DLGAP1: variants seen among roughly 807,000 people sequenced by gnomAD.
DLGAP1 encodes disks large-associated protein 1.
In DLGAP1, 11 loss-of-function variants were observed where a neutral mutation model predicts 90.8. That is an observed-to-expected ratio of 0.12 (90% CI 0.08 to 0.20). The LOEUF is 0.20. Among genes scored for constraint, DLGAP1 ranks in the 10% least tolerant of loss-of-function variants. The pLI is 1.00. For synonymous variants in DLGAP1, 558 were observed against 540.7 expected (o/e 1.03, Z -0.44); for missense variants, 1,050 against 1,333.8 (o/e 0.79, Z 3.31).
chr18:4,189,451 T>C (rs2077355936), intron 1 of DLGAP1, among the ~76,000 whole-genome samples: 1 of 152,106 alleles, frequency 6.6e-6, no homozygotes. Flanking sequence ...GCATTGAAAC[T>C]ACAAAGCTCT....
chr18:4,020,806 A>G (rs897307028), intron 2 of DLGAP1, among the ~76,000 whole-genome samples: 2 of 152,232 alleles, frequency 1.3e-5, no homozygotes, highest in African/African-American at 2.4e-5. Context: ...TACAGTTAGG[A>G]GCCATACGGC....
intron 1 of DLGAP1, among the ~76,000 whole-genome samples, chr18:4,166,627 C>T (rs746718689): frequency 2.6e-5 from 4 of 152,268 alleles, no homozygotes; most frequent in Non-Finnish European, 4.4e-5. Context: ...ATTAATTCAC[C>T]GTAGCCAAAA....
intron 10 of DLGAP1, among the ~76,000 whole-genome samples, chr18:3,510,500 T>A (rs774207225): frequency 2.6e-5 from 4 of 152,208 alleles, no homozygotes; most frequent in Non-Finnish European, 4.4e-5. Context: ...GGGACAGGTA[T>A]GCTCTCTGGG....
At chr18:4,261,801 A>G (rs989609866) in intron 1 of DLGAP1, among the ~76,000 whole-genome samples, 2 of 152,142 alleles carry the variant, frequency 1.3e-5, no homozygotes, top group African/African-American at 4.8e-5. Flanking sequence ...CCTTAATCAC[A>G]AATGTATATA....
At chr18:4,133,287 C>G (rs908820649) in intron 2 of DLGAP1, among the ~76,000 whole-genome samples, 2 of 152,142 alleles carry the variant, frequency 1.3e-5, no homozygotes, top group East Asian at 3.9e-4. Flanking sequence ...TGAGTGCCAA[C>G]GATTCACTGC....
chr18:4,269,346 A>ATTT (rs2079203319), intron 1 of DLGAP1, among the ~76,000 whole-genome samples: 1 of 133,400 alleles, frequency 7.5e-6, no homozygotes, highest in South Asian at 2.2e-4. Flanking sequence ...ATATATATAT[A>ATTT]TATATATATT....
chr18:4,230,698 T>C (rs927248681), intron 1 of DLGAP1, among the ~76,000 whole-genome samples: 1 of 148,840 alleles, frequency 6.7e-6, no homozygotes, highest in Non-Finnish European at 1.5e-5. Context: ...ATGACTAAGA[T>C]CTAGTATGTG....
At chr18:4,363,072 C>A (rs2081663842) in intron 1 of DLGAP1, among the ~76,000 whole-genome samples, 1 of 152,076 alleles carries the variant, frequency 6.6e-6, no homozygotes, top group African/African-American at 2.4e-5. Context: ...AAGCAACAGA[C>A]TTGGCATACT....
At chr18:3,834,084 A>G (rs886248558) in intron 4 of DLGAP1, among the ~76,000 whole-genome samples, 5 of 152,064 alleles carry the variant, frequency 3.3e-5, no homozygotes, top group Admixed American at 2.6e-4. Context: ...AGGCGGGTGG[A>G]TCATGAGGTC....
At chr18:4,308,661 G>GAATTAAATTAAATTAAAATTAAAA (rs2080322975) in intron 1 of DLGAP1, among the ~76,000 whole-genome samples, 1 of 152,090 alleles carries the variant, frequency 6.6e-6, no homozygotes, top group African/African-American at 2.4e-5. Flanking sequence ...TAAATTAAAA[G>GAATTAAATTAAATTAAAATTAAAA]GTTTAAATTG....
chr18:3,536,588 T>C (rs2052394876), intron 9 of DLGAP1, among the ~76,000 whole-genome samples: 1 of 152,206 alleles, frequency 6.6e-6, no homozygotes, highest in African/African-American at 2.4e-5. Context: ...AAGGTTTACC[T>C]TTCTCTTAGT....
At chr18:4,281,479 A>G (rs2079550798) in intron 1 of DLGAP1, among the ~76,000 whole-genome samples, 1 of 152,116 alleles carries the variant, frequency 6.6e-6, no homozygotes, top group South Asian at 2.1e-4. Flanking sequence ...GCCTAAACCC[A>G]GGAGGCAGAG....
Position 4,106,010 on chromosome 18 carries a change from C to T in DLGAP1, c.-159+45170G>A, listed in dbSNP as rs374949180. On this transcript the variant is annotated intron_variant, in intron 2 of 12. Transcript: ENST00000315677. ...TCGCGCCACTGCACTCCAGCCTGGGCGACAGAGCGAGGGTCCGTCTCAAAA... is the reference window on the plus strand; with the variant it reads ...TCGCGCCACTGCACTCCAGCCTGGGTGACAGAGCGAGGGTCCGTCTCAAAA... 3.3e-4 allele frequency among the ~76,000 whole-genome samples: 41 copies of T among 123,114 alleles called. No homozygotes were observed. In the East Asian group the frequency reaches 8.5e-3, roughly 26 times the overall value. 80.8% of individuals were successfully genotyped at this position (123,114 alleles called of 152,430 possible).
intron 1 of DLGAP1, among the ~76,000 whole-genome samples, chr18:4,243,495 AT>A (rs2078588796): frequency 6.6e-6 from 1 of 152,178 alleles, no homozygotes; most frequent in Admixed American, 6.5e-5. Flanking sequence ...GGCAAGAAGT[AT>A]TCTTCATCAA....
chr18:3,791,925 T>TA (rs1015394398), intron 5 of DLGAP1, among the ~76,000 whole-genome samples: 60 of 152,100 alleles, frequency 3.9e-4, no homozygotes, highest in African/African-American at 1.4e-3. Context: ...AAAATAAAAT[T>TA]AAAAAAAGGC....
intron 1 of DLGAP1, among the ~76,000 whole-genome samples, chr18:4,439,248 C>A (rs535277249): frequency 1.1e-4 from 16 of 152,320 alleles, no homozygotes; most frequent in African/African-American, 3.4e-4. Flanking sequence ...TTAGTGAGTT[C>A]CAAGCCCTTT....
At chr18:4,223,242 C>T (rs1014297418) in intron 1 of DLGAP1, among the ~76,000 whole-genome samples, 2 of 151,980 alleles carry the variant, frequency 1.3e-5, no homozygotes, top group East Asian at 1.9e-4. Context: ...TATAAAAATA[C>T]ATTTTCTTAT....
chr18:4,319,393 A>C (rs1248270501), intron 1 of DLGAP1, among the ~76,000 whole-genome samples: 1 of 152,208 alleles, frequency 6.6e-6, no homozygotes, highest in Non-Finnish European at 1.5e-5. Flanking sequence ...AATTATGCTA[A>C]ACAACATGAG....
At chr18:3,800,611 G>A (rs377734252) in intron 5 of DLGAP1, among the ~76,000 whole-genome samples, 43 of 152,096 alleles carry the variant, frequency 2.8e-4, no homozygotes, top group African/African-American at 1.0e-3. Context: ...AGATTCATAA[G>A]AAACAGAATT....
Sources: gnomAD v4.1 joint callset for allele counts (sites outside exome capture counted in the v4.1 genomes callset) on GRCh38, gnomAD v4.1.1 for gene constraint, MANE v1.5 for transcripts, NCBI Gene and HGNC (gene_info 2026-07-23, HGNC 2026-07-21) for gene names.